The following PTRHD1 variants were observed in gnomAD, a reference collection of about 807,000 sequenced individuals.
PTRHD1 encodes the protein putative peptidyl-tRNA hydrolase PTRHD1.
A neutral mutation model predicts 13.6 loss-of-function variants in PTRHD1; 12 were observed. The observed-to-expected ratio is 0.88, with a 90% confidence interval of 0.57 to 1.43. PTRHD1 has a LOEUF of 1.43. Among genes scored for constraint, PTRHD1 ranks in the 40% most tolerant of loss-of-function variants. The pLI is 0.00. For missense variants in PTRHD1, 203 were observed against 184.7 expected, an observed-to-expected ratio of 1.10 and a Z score of -0.57; for synonymous variants, 86 against 79.5, an observed-to-expected ratio of 1.08 and a Z score of -0.43.
chr2:24,790,728 G>T, intron 1 of PTRHD1, 147 bp from the exon 2 acceptor site: 1 of 663,126 alleles, frequency 1.5e-6, no homozygotes, highest in Non-Finnish European at 2.5e-6. Flanking sequence ...GTCATTCCGT[G>T]GTGCACTGGG....
chr2:24,790,633 C>A, intron 1 of PTRHD1, 52 bp from the exon 2 acceptor site: 2 of 1,541,842 alleles, frequency 1.3e-6, no homozygotes, highest in Admixed American at 2.0e-5. Flanking sequence ...TAGGAAGTGT[C>A]AAAAGGCCAA....
chr2:24,792,283 C>A (rs1290178106), intron 1 of PTRHD1: 2 of 152,092 alleles, frequency 1.3e-5, no homozygotes, highest in South Asian at 2.1e-4. Context: ...TATAAAAAGC[C>A]GTTTATTATT....
rs748060375 is a variant in PTRHD1 at position 24,793,336 on chromosome 2, C to T, written c.42G>A (p.Lys14=). ...GVGPAFRVVR[K]MAASGAEPQV... ...GCGGCTCCGCCCCAGAGGCCGCCAT[C>T]TTCCTGACCACCCGAAAGGCCGGAC... Residue 14 remains lysine, a synonymous_variant, in exon 1 of 2, where the codon AAG becomes AAA. Transcript: ENST00000328379. 1.2e-6 allele frequency: 2 copies of T among 1,613,716 alleles called. No individual in the cohort carries two copies. Among genetic ancestry groups the T allele is most frequent in the African/African-American group, 1.3e-5 (1 of 74,954 alleles).
Position 24,793,287 on chromosome 2 carries a change from A to G in PTRHD1, c.91T>C (p.Leu31=), listed in dbSNP as rs145359139. 6.2e-7 allele frequency: 1 copy of G among 1,613,792 alleles called. No homozygotes were observed. The highest frequency in any genetic ancestry group is 1.3e-5 in the African/African-American group (1 of 74,918). Residue 31 remains leucine, a synonymous_variant, in exon 1 of 2, where the codon TTA becomes CTA. Transcript: ENST00000328379. The part of the protein sequence containing the change: ...EPQVLVQYLV[L]RKDLSQAPFS... Reference sequence around the variant, plus strand: ...GGAGCTTGTGATAGATCCTTTCGTAACACCAAGTATTGTACCAGGACCTGC... The same window carrying G: ...GGAGCTTGTGATAGATCCTTTCGTAGCACCAAGTATTGTACCAGGACCTGC...
chr2:24,791,221 G>A (rs1665615989), intron 1 of PTRHD1, among the ~76,000 whole-genome samples: 5 of 152,026 alleles, frequency 3.3e-5, no homozygotes, highest in Admixed American at 2.6e-4. Context: ...CACCATGCCC[G>A]GCCCCTAGTG....
chr2:24,792,928 G>A (rs1665669788), intron 1 of PTRHD1, 198 bp downstream of exon 1: 5 of 652,056 alleles, frequency 7.7e-6, no homozygotes, highest in Non-Finnish European at 1.0e-5. Context: ...AGCAGGGGGC[G>A]GAGGACTGCT....
Position 24,790,554 on chromosome 2 carries a change from G to A in PTRHD1, c.280C>T (p.Leu94=). 6.2e-7 allele frequency: 1 copy of A among 1,614,046 alleles called. No homozygotes were observed. Residue 94 remains leucine (L), a synonymous_variant, in exon 2 of 2, where the codon CTG becomes TTG. Transcript: ENST00000328379. The part of the protein sequence containing the change: ...EAPDETTLKE[L]AETLQQKNID... ...TTCTTCTGTTGCAGGGTCTCGGCCA[G>A]CTCCTTTAGGGTGGTCTCATCTGGG...
chr2:24,791,556 A>T (rs1469526888), intron 1 of PTRHD1: 1 of 152,228 alleles, frequency 6.6e-6, no homozygotes, highest in Non-Finnish European at 1.5e-5. Context: ...TAAATTAGAG[A>T]ATGCCAGTAT....
chr2:24,792,284 G>A (rs546936761), intron 1 of PTRHD1: 4 of 152,184 alleles, frequency 2.6e-5, no homozygotes, highest in Non-Finnish European at 4.4e-5. Context: ...ATAAAAAGCC[G>A]TTTATTATTA....
Sources: gnomAD v4.1 joint callset for allele counts (sites outside exome capture counted in the v4.1 genomes callset) on GRCh38, gnomAD v4.1.1 for gene constraint, MANE v1.5 for transcripts, NCBI Gene and HGNC (gene_info 2026-07-23, HGNC 2026-07-21) for gene names.